TNRC6B: variants seen among roughly 807,000 people sequenced by gnomAD.
TNRC6B encodes the protein trinucleotide repeat-containing gene 6B protein.
Under a neutral mutation model 203.6 loss-of-function variants are expected in TNRC6B, and 52 were observed. That is an observed-to-expected ratio of 0.26 (90% CI 0.20 to 0.32). TNRC6B has a LOEUF of 0.32. Among genes scored for constraint, TNRC6B ranks in the 10% least tolerant of loss-of-function variants. The pLI is 1.00. For synonymous variants in TNRC6B, 838 were observed against 845.7 expected (o/e 0.99, Z 0.16); for missense variants, 1,923 against 2,286.2 (o/e 0.84, Z 3.24).
At chr22:40,226,963 G>A (rs2069794718) in intron 1 of TNRC6B, among the ~76,000 whole-genome samples, 1 of 152,000 alleles carries the variant, frequency 6.6e-6, no homozygotes, top group Middle Eastern at 3.2e-3. Context: ...AGGCTGTAGT[G>A]CAGTGGCACA....
chr22:40,274,772 T>G (rs2070615417), intron 7 of TNRC6B, among the ~76,000 whole-genome samples: 2 of 152,214 alleles, frequency 1.3e-5, no homozygotes, highest in African/African-American at 4.8e-5. Context: ...TACTAAACTT[T>G]TCACCTTCTG....
intron 2 of TNRC6B, among the ~76,000 whole-genome samples, chr22:40,124,866 G>T (rs994343568): frequency 1.3e-5 from 2 of 151,718 alleles, no homozygotes; most frequent in African/African-American, 4.8e-5. Context: ...TACAAAAATC[G>T]GCCGGGTGTG....
intron 3 of TNRC6B, among the ~76,000 whole-genome samples, chr22:40,145,418 C>T (rs1037041097): frequency 6.6e-6 from 1 of 152,296 alleles, no homozygotes; most frequent in East Asian, 1.9e-4. Context: ...TCCACTATAT[C>T]AGCTGACTTC....
chr22:40,067,772 C>T (rs1252427167), intron 1 of TNRC6B, among the ~76,000 whole-genome samples: 4 of 152,146 alleles, frequency 2.6e-5, no homozygotes, highest in African/African-American at 4.8e-5. Context: ...CATTCAGGCC[C>T]CTAGCCAATG....
intron 1 of TNRC6B, among the ~76,000 whole-genome samples, chr22:40,243,597 C>T (rs935453419): frequency 4.6e-5 from 7 of 151,788 alleles, no homozygotes; most frequent in Non-Finnish European, 7.4e-5. Flanking sequence ...ATTTATTATT[C>T]ATTCATTTAT....
intron 2 of TNRC6B, among the ~76,000 whole-genome samples, chr22:40,124,545 T>G (rs559210715): frequency 6.6e-6 from 1 of 151,934 alleles, no homozygotes; most frequent in Non-Finnish European, 1.5e-5. Context: ...TTGAACGCGT[T>G]AGCTCAAGCC....
In TNRC6B at chr22:40,159,677, G is replaced by T. The variant is rs6001810; in HGVS notation, c.113+3495G>T. 4.0e-5 allele frequency among the ~76,000 whole-genome samples: 6 copies of T among 151,224 alleles called. 1 individual carries two copies. The highest frequency in any genetic ancestry group is 2.0e-4 in the East Asian group (1 of 5,122). ...AAAAATTTAAAAATTTAAAAAAAAAGAAAGGTGAAACCCTTCCCTTCCTAA... is the reference window on the plus strand; with the variant it reads ...AAAAATTTAAAAATTTAAAAAAAAATAAAGGTGAAACCCTTCCCTTCCTAA... On this transcript the variant is annotated intron_variant, in intron 4 of 23. Transcript: ENST00000301923.
chr22:40,169,064 G>T (rs573430048), intron 4 of TNRC6B, among the ~76,000 whole-genome samples: 1 of 151,920 alleles, frequency 6.6e-6, no homozygotes, highest in East Asian at 1.9e-4. Flanking sequence ...TACATAGTAG[G>T]TGCTGTGCAA....
intron 1 of TNRC6B, among the ~76,000 whole-genome samples, chr22:40,053,370 CT>C: frequency 6.6e-6 from 1 of 152,112 alleles, no homozygotes; most frequent in East Asian, 1.9e-4. Flanking sequence ...TGGAGAGTCT[CT>C]GAATTAGGAG....
intron 16 of TNRC6B, among the ~76,000 whole-genome samples, chr22:40,310,474 G>A (rs6001874): frequency 1.8e-4 from 28 of 152,246 alleles, no homozygotes; most frequent in African/African-American, 5.8e-4. Flanking sequence ...CTCTTGAGTC[G>A]TTAGCATAGA....
Position 40,128,860 on chromosome 22 carries a change from T to C in TNRC6B, c.45+2998T>C, listed in dbSNP as rs562925462. ...TTATTAAGCACGTGTTATCATGGGATACAACAGTGAACCAAAAATACATGG... is the reference window on the plus strand; with the variant it reads ...TTATTAAGCACGTGTTATCATGGGACACAACAGTGAACCAAAAATACATGG... On this transcript the variant is annotated intron_variant, in intron 3 of 23. Coordinates refer to the TNRC6B transcript ENST00000301923. 6.6e-5 allele frequency among the ~76,000 whole-genome samples: 10 copies of C among 152,242 alleles called. No homozygotes were observed. In the South Asian group the frequency reaches 1.4e-3, roughly 22 times the overall value.
intron 1 of TNRC6B, among the ~76,000 whole-genome samples, chr22:40,089,650 C>T (rs1215645076): frequency 2.0e-5 from 3 of 152,136 alleles, no homozygotes; most frequent in African/African-American, 7.2e-5. Context: ...TGTCACATCC[C>T]ACACCAGAAA....
Position 40,257,758 on chromosome 22 carries a change from C to T in TNRC6B, c.116-4074C>T, listed in dbSNP as rs371810105. ...GAATGGACGGCCAGGTGCGGTGGCT[C>T]ACGCCTATAATCCCAGCACTTTGGG... On this transcript the variant is annotated intron_variant, in intron 3 of 22. Coordinates refer to ENST00000454349, the MANE Select transcript of TNRC6B (RefSeq NM_001162501.2). 7.2e-5 allele frequency among the ~76,000 whole-genome samples: 11 copies of T among 151,962 alleles called. No individual in the cohort carries two copies. In the South Asian group the frequency reaches 2.3e-3, roughly 32 times the overall value.
intron 1 of TNRC6B, among the ~76,000 whole-genome samples, chr22:40,227,643 A>G (rs1242346151): frequency 6.6e-6 from 1 of 151,966 alleles, no homozygotes; most frequent in Non-Finnish European, 1.5e-5. Flanking sequence ...GAGCCACTGC[A>G]CCTGGTCCTA....
chr22:40,193,371 T>C lies in TNRC6B; in HGVS notation c.5+15231T>C, dbSNP rs149784504. On this transcript the variant is annotated intron_variant, in intron 1 of 22. Coordinates refer to ENST00000454349, the MANE Select transcript of TNRC6B (RefSeq NM_001162501.2). The stretch of plus-strand genomic sequence containing the variant: ...TGACTTGAAACAACTCAGCAAATAA[T>C]TAGGAGTGCCTCATATGCTCCAGGA... Among the ~76,000 whole-genome samples the C allele has an allele frequency of 1.3e-3, 193 of 152,294 alleles. 1 individual carries two copies. Among genetic ancestry groups the C allele is most frequent in the African/African-American group, 4.2e-3 (174 of 41,570 alleles).
intron 2 of TNRC6B, 31 bp from the exon 3 acceptor site, chr22:40,251,148 T>C (rs1473949146): frequency 3.3e-6 from 5 of 1,523,722 alleles, no homozygotes; most frequent in Non-Finnish European, 4.4e-6. Flanking sequence ...AAAAAGCAAA[T>C]CTCATTTACT....
chr22:40,233,635 T>A (rs1161034418), intron 1 of TNRC6B, among the ~76,000 whole-genome samples: 1 of 151,698 alleles, frequency 6.6e-6, no homozygotes. Flanking sequence ...AAAAAAAAAA[T>A]TATCTTACTT....
At chr22:40,087,489 G>A (rs1353477606) in intron 1 of TNRC6B, among the ~76,000 whole-genome samples, 1 of 152,174 alleles carries the variant, frequency 6.6e-6, no homozygotes, top group Admixed American at 6.5e-5. Flanking sequence ...CCATTTTCTA[G>A]TGGGAGAAAG....
rs182010482 is a variant in TNRC6B, at chr22:40,062,958, T to G, written c.-121+17960T>G. On this transcript the variant is annotated intron_variant, in intron 1 of 23. Transcript: ENST00000301923. ...GTTCAGTTTATCTTTTTTTTTTCTT[T>G]TGCTATTTTTGCTTTTGGCATATCT... Among the ~76,000 whole-genome samples, 587 of 152,286 alleles carry G rather than the reference T, an allele frequency of 3.9e-3. 4 individuals carry two copies. The highest frequency in any genetic ancestry group is 4.2e-3 in the Non-Finnish European group (284 of 68,010).
Sources: gnomAD v4.1 joint callset for allele counts (sites outside exome capture counted in the v4.1 genomes callset) on GRCh38, gnomAD v4.1.1 for gene constraint, MANE v1.5 for transcripts, NCBI Gene and HGNC (gene_info 2026-07-23, HGNC 2026-07-21) for gene names.